Variants in PDGFD observed in about 807,000 individuals in gnomAD.
PDGFD encodes platelet-derived growth factor D.
Under a neutral mutation model 44.7 loss-of-function variants are expected in PDGFD, and 30 were observed. That is an observed-to-expected ratio of 0.67 (90% CI 0.50 to 0.91). The LOEUF (loss-of-function observed/expected upper bound fraction) is 0.91, where lower values mean the gene tolerates loss of function less well. Ranked by LOEUF, PDGFD falls within the 40% of genes least tolerant of loss-of-function variation. PDGFD has a pLI of 0.00. For synonymous variants in PDGFD, 173 were observed against 168.4 expected (o/e 1.03, Z -0.21); for missense variants, 445 against 457.8 (o/e 0.97, Z 0.25).
chr11:104,114,817 A>G (rs1389130373), intron 1 of PDGFD, among the ~76,000 whole-genome samples: 1 of 150,964 alleles, frequency 6.6e-6, no homozygotes, highest in African/African-American at 2.4e-5. Context: ...TACATATTTC[A>G]TTAGATGTAT....
At chr11:104,152,343 A>G (rs1862259373) in intron 1 of PDGFD, among the ~76,000 whole-genome samples, 1 of 152,144 alleles carries the variant, frequency 6.6e-6, no homozygotes, top group South Asian at 2.1e-4. Context: ...TGAAATTTCT[A>G]TTACAGCAAA....
intron 1 of PDGFD, among the ~76,000 whole-genome samples, chr11:104,057,128 T>TC (rs573865922): frequency 6.6e-6 from 1 of 151,814 alleles, no homozygotes; most frequent in African/African-American, 2.4e-5. Flanking sequence ...CTTCGTCCCC[T>TC]CCCCCTACAA....
chr11:103,950,163 G>C (rs183732229), intron 3 of PDGFD, among the ~76,000 whole-genome samples: 1 of 152,218 alleles, frequency 6.6e-6, no homozygotes, highest in Admixed American at 6.5e-5. Context: ...GGGTTATGTT[G>C]ACCATGTGTT....
At chr11:104,026,469 A>G (rs1407701598) in intron 1 of PDGFD, among the ~76,000 whole-genome samples, 1 of 151,802 alleles carries the variant, frequency 6.6e-6, no homozygotes, top group Non-Finnish European at 1.5e-5. Flanking sequence ...ATATACAAAT[A>G]TTGAGTGTGA....
At chr11:103,941,348 C>T (rs1858581250) in intron 5 of PDGFD, among the ~76,000 whole-genome samples, 2 of 152,000 alleles carry the variant, frequency 1.3e-5, no homozygotes, top group African/African-American at 4.8e-5. Context: ...AGCAGTAGGA[C>T]ATACAAAATG....
chr11:104,116,496 A>G (rs985433305), intron 1 of PDGFD, among the ~76,000 whole-genome samples: 1 of 151,976 alleles, frequency 6.6e-6, no homozygotes, highest in Non-Finnish European at 1.5e-5. Context: ...ACTATTCCAC[A>G]AGACAGAGAA....
intron 3 of PDGFD, among the ~76,000 whole-genome samples, chr11:103,988,954 T>G (rs1859410518): frequency 6.6e-6 from 1 of 152,168 alleles, no homozygotes; most frequent in South Asian, 2.1e-4. Flanking sequence ...TATTAAATAC[T>G]TCACATACAA....
At chr11:104,027,224 T>C (rs1347717157) in intron 1 of PDGFD, among the ~76,000 whole-genome samples, 1 of 152,244 alleles carries the variant, frequency 6.6e-6, no homozygotes, top group Non-Finnish European at 1.5e-5. Context: ...AAGATTGTTA[T>C]GAACATTCTG....
At chr11:104,021,840 G>C (rs1859958871) in intron 1 of PDGFD, among the ~76,000 whole-genome samples, 1 of 152,142 alleles carries the variant, frequency 6.6e-6, no homozygotes, top group Non-Finnish European at 1.5e-5. Flanking sequence ...TGCTGAGATG[G>C]ATAGCATTGG....
chr11:103,942,407 A>G (rs1033697327), intron 5 of PDGFD, among the ~76,000 whole-genome samples: 6 of 152,064 alleles, frequency 3.9e-5, no homozygotes, highest in Admixed American at 1.3e-4. Context: ...TTCTCATCCT[A>G]AGATCATATC....
At chr11:104,045,157 G>A in intron 1 of PDGFD, among the ~76,000 whole-genome samples, 1 of 152,072 alleles carries the variant, frequency 6.6e-6, no homozygotes, top group Admixed American at 6.5e-5. Flanking sequence ...TTTTAATTTT[G>A]TGCTCATGAG....
intron 1 of PDGFD, among the ~76,000 whole-genome samples, chr11:104,051,778 C>T (rs565514143): frequency 2.0e-5 from 3 of 151,658 alleles, no homozygotes; most frequent in Non-Finnish European, 4.4e-5. Flanking sequence ...TAAACAAATA[C>T]AGAAAACATA....
chr11:104,035,672 T>C (rs1031476964), intron 1 of PDGFD, among the ~76,000 whole-genome samples: 4 of 151,948 alleles, frequency 2.6e-5, no homozygotes, highest in Admixed American at 2.0e-4. Flanking sequence ...ACTAATTTTT[T>C]TCCAGCTTCA....
intron 6 of PDGFD, among the ~76,000 whole-genome samples, chr11:103,925,716 C>CATATATATATAT (rs370841769): frequency 1.1e-4 from 14 of 122,778 alleles, no homozygotes; most frequent in African/African-American, 4.5e-4. Context: ...CACACACACA[C>CATATATATATAT]ATATATATAT....
At position 104,012,132 on chromosome 11, in the gene PDGFD, T is replaced by C. The variant is rs146621749; in HGVS notation, c.125-11877A>G. 3.5e-4 allele frequency among the ~76,000 whole-genome samples: 54 copies of C among 152,302 alleles called. 1 individual carries two copies. The South Asian group carries it at 5.4e-3, about 15-fold the overall frequency. On this transcript the variant is annotated intron_variant, in intron 1 of 6. Coordinates refer to ENST00000393158, the MANE Select transcript of PDGFD (RefSeq NM_025208.5). ...GCTTTCAAGAGAATTACTTAACATCTAGTGATACCTAACCCACATAAGCAG... is the reference window on the plus strand; with the variant it reads ...GCTTTCAAGAGAATTACTTAACATCCAGTGATACCTAACCCACATAAGCAG...
intron 5 of PDGFD, among the ~76,000 whole-genome samples, chr11:103,939,758 A>G (rs1018439307): frequency 9.9e-5 from 15 of 152,122 alleles, no homozygotes; most frequent in Non-Finnish European, 1.9e-4. Context: ...TTGAACTTAA[A>G]ATACTGATTT....
At chr11:104,158,603 C>T (rs1210937955) in intron 1 of PDGFD, among the ~76,000 whole-genome samples, 2 of 152,064 alleles carry the variant, frequency 1.3e-5, no homozygotes, top group African/African-American at 4.8e-5. Flanking sequence ...GAGACCGAGG[C>T]CAGCGGATCA....
chr11:104,056,356 A>G (rs1319723776), intron 1 of PDGFD, among the ~76,000 whole-genome samples: 1 of 152,206 alleles, frequency 6.6e-6, no homozygotes, highest in African/African-American at 2.4e-5. Flanking sequence ...CTTAACCCCG[A>G]TAACTGTGGA....
intron 6 of PDGFD, among the ~76,000 whole-genome samples, chr11:103,921,260 G>C (rs1263178463): frequency 6.6e-6 from 1 of 152,136 alleles, no homozygotes; most frequent in Non-Finnish European, 1.5e-5. Context: ...AGATTTTCTT[G>C]ACTTTTATTA....
Sources: allele counts gnomAD v4.1 joint callset (sites outside exome capture counted in the v4.1 genomes callset), GRCh38; gene constraint gnomAD v4.1.1; transcripts MANE v1.5; gene names NCBI Gene and HGNC (gene_info 2026-07-23, HGNC 2026-07-21).